CABYR: variants seen among roughly 807,000 people sequenced by gnomAD.
CABYR encodes calcium-binding tyrosine phosphorylation-regulated protein.
CABYR carries 31 observed loss-of-function variants against 36.1 expected under a neutral mutation model. That is an observed-to-expected ratio of 0.86 (90% CI 0.64 to 1.16). The LOEUF (loss-of-function observed/expected upper bound fraction) is 1.16, where lower values mean the gene tolerates loss of function less well. Among genes scored for constraint, CABYR ranks in the 50% most tolerant of loss-of-function variants. The pLI is 0.00. For missense variants in CABYR, 429 were observed against 455.8 expected (o/e 0.94, Z 0.53); for synonymous variants, 146 against 160.7 (o/e 0.91, Z 0.69).
chr18:24,149,202 A>C (rs4800551), intron 3 of CABYR, among the ~76,000 whole-genome samples: 1 of 151,244 alleles, frequency 6.6e-6, no homozygotes, highest in Non-Finnish European at 1.5e-5. Context: ...AGCTAGACAC[A>C]GGGTGCTGAT....
chr18:24,158,521 T>C (rs1005788162), intron 4 of CABYR, among the ~76,000 whole-genome samples: 1 of 152,148 alleles, frequency 6.6e-6, no homozygotes, highest in South Asian at 2.1e-4. Context: ...TTTCTCCATG[T>C]TGGTCAGGCT....
At chr18:24,140,533 C>G (rs1276182539) in intron 1 of CABYR, among the ~76,000 whole-genome samples, 1 of 152,138 alleles carries the variant, frequency 6.6e-6, no homozygotes, top group African/African-American at 2.4e-5. Flanking sequence ...TCTATCCCCT[C>G]AAACATTTAT....
intron 5 of CABYR, 50 bp from the exon 6 acceptor site, chr18:24,161,466 G>T: frequency 1.3e-6 from 1 of 776,964 alleles, no homozygotes; most frequent in South Asian, 1.4e-5. Context: ...TCACATGTTC[G>T]GTTTCATGTT....
chr18:24,151,557 C>T (rs2085634634), intron 3 of CABYR, among the ~76,000 whole-genome samples: 2 of 152,114 alleles, frequency 1.3e-5, no homozygotes, highest in African/African-American at 4.8e-5. Context: ...TTTTACCCTT[C>T]TTAATAAACA....
intron 4 of CABYR, 42 bp from the exon 5 acceptor site, chr18:24,159,430 C>T (rs781155338): frequency 7.7e-6 from 11 of 1,425,328 alleles, no homozygotes; most frequent in East Asian, 2.3e-5. Context: ...GTGCCTGATA[C>T]AGAGACCAAA....
At chr18:24,160,555 G>A (rs1417922593) in intron 5 of CABYR, among the ~76,000 whole-genome samples, 2 of 152,150 alleles carry the variant, frequency 1.3e-5, no homozygotes, top group Admixed American at 6.5e-5. Flanking sequence ...CTAAACAACA[G>A]CTGAGATTAA....
In CABYR at chr18:24,161,579, C is replaced by CT; in HGVS notation, c.*63_*64insT. ...GGAGTCTGCCACCAGTGTAATGTAT[C>CT]AATAAACTTCATGCAAGCATACAAT... On this transcript the variant is annotated 3_prime_UTR_variant, in exon 6 of 6. Transcript: ENST00000399496. 2.6e-6 allele frequency: 2 copies of CT among 775,410 alleles called. No homozygotes were observed. The highest frequency in any genetic ancestry group is 2.3e-4 in the Middle Eastern group (1 of 4,346). 48.0% of individuals were successfully genotyped at this position (775,410 alleles called of 1,614,324 possible).
At chr18:24,143,727 G>A (rs1203301792) in intron 3 of CABYR, among the ~76,000 whole-genome samples, 1 of 151,912 alleles carries the variant, frequency 6.6e-6, no homozygotes, top group African/African-American at 2.4e-5. Flanking sequence ...ATAGTGATGG[G>A]GTCTTGCCTC....
intron 1 of CABYR, chr18:24,139,682 A>AGT (rs1227248367): frequency 6.6e-6 from 1 of 152,264 alleles, no homozygotes; most frequent in Non-Finnish European, 1.5e-5. Flanking sequence ...TAACCCTAAT[A>AGT]GTGTTTGTGA....
chr18:24,159,696 AGT>A lies in CABYR; in HGVS notation c.768_769del (p.Ala257ProfsTer46). 2 of 1,614,112 alleles carry A rather than the reference AGT, an allele frequency of 1.2e-6. No individual in the cohort carries two copies. Among genetic ancestry groups the A allele is most frequent in the Non-Finnish European group, 1.7e-6 (2 of 1,180,006 alleles). ...TYVMGDTKKT[S>X]APPFILVGSN... ...TGTGATGGGCGACACCAAGAAGACC[AGT>A]GCCCCACCTTTTATCTTAGTAGGCT... On this transcript the variant is annotated frameshift_variant, in exon 5 of 6. Transcript: ENST00000399496. LOFTEE classifies it high-confidence loss of function.
Position 24,156,247 on chromosome 18 carries a change from C to T in CABYR, c.541+205C>T, listed in dbSNP as rs551577808. On this transcript the variant is annotated intron_variant, in intron 4 of 5. Transcript: ENST00000399496. ...GTCCATGTAGATTTGGGTTCTCAAC[C>T]TAAAGAAAATGAGGCTGAACCATCA... 1.5e-5 allele frequency: 24 copies of T among 1,614,056 alleles called. No individual in the cohort carries two copies. In the East Asian group the frequency reaches 4.9e-4, roughly 33 times the overall value.
At chr18:24,161,388 T>C (rs1036810737) in intron 5 of CABYR, 128 bp from the exon 6 acceptor site, 8 of 617,288 alleles carry the variant, frequency 1.3e-5, no homozygotes, top group Non-Finnish European at 2.4e-5. Flanking sequence ...CAAAAGCCCA[T>C]AGGTAACTAG....
At chr18:24,146,329 C>G (rs1005188806) in intron 3 of CABYR, among the ~76,000 whole-genome samples, 2 of 152,062 alleles carry the variant, frequency 1.3e-5, no homozygotes, top group African/African-American at 4.8e-5. Flanking sequence ...AACTAAAAAA[C>G]GAGCCAACAG....
chr18:24,157,347 TGTTG>T lies in CABYR; in HGVS notation c.541+1309_541+1312del, dbSNP rs1373262533. 2.0e-5 allele frequency among the ~76,000 whole-genome samples: 3 copies of T among 152,280 alleles called. No homozygotes were observed. The East Asian group carries it at 5.8e-4, about 29-fold the overall frequency. ...TGATTGCAAAACTGTAATTAGAGGG[TGTTG>T]GTTTGAAATTTTCCTCTTGTGAATC... On this transcript the variant is annotated intron_variant, in intron 4 of 5. Transcript: ENST00000399496.
intron 1 of CABYR, chr18:24,139,365 C>G (rs2145844951): frequency 6.6e-6 from 1 of 152,380 alleles, no homozygotes; most frequent in African/African-American, 2.4e-5. Flanking sequence ...TGTGAGCACG[C>G]CCAGCCTCCT....
At chr18:24,150,659 A>C (rs2085597822) in intron 3 of CABYR, 1 of 656,126 alleles carries the variant, frequency 1.5e-6, no homozygotes, top group African/African-American at 2.0e-5. Context: ...AGTTCAATAC[A>C]GACTAGTTGG....
At chr18:24,151,589 T>A (rs370964943) in intron 3 of CABYR, among the ~76,000 whole-genome samples, 1 of 152,290 alleles carries the variant, frequency 6.6e-6, no homozygotes, top group African/African-American at 2.4e-5. Context: ...GAACTCAATA[T>A]AGATTTACAT....
chr18:24,147,433 G>T (rs927518575), intron 3 of CABYR, among the ~76,000 whole-genome samples: 2 of 152,068 alleles, frequency 1.3e-5, no homozygotes, highest in Non-Finnish European at 2.9e-5. Flanking sequence ...CCAATGTTAC[G>T]ATTTCTATTT....
Position 24,149,504 on chromosome 18 carries a change from A to G in CABYR, c.199+6091A>G, listed in dbSNP as rs201596574. Among the ~76,000 whole-genome samples, 13 of 152,342 alleles carry G rather than the reference A, an allele frequency of 8.5e-5. No homozygotes were observed. In the East Asian group the frequency reaches 2.5e-3, roughly 29 times the overall value. ...GCTGGCTTCACCCAGTGGATCCTGC[A>G]CTGGGGACTGCAGGTGGAGCTGCCT... On this transcript the variant is annotated intron_variant, in intron 3 of 5. Coordinates refer to ENST00000399496, the MANE Select transcript of CABYR (RefSeq NM_153769.3).
Sources: allele counts gnomAD v4.1 joint callset (sites outside exome capture counted in the v4.1 genomes callset), GRCh38; gene constraint gnomAD v4.1.1; transcripts MANE v1.5; gene names NCBI Gene and HGNC (gene_info 2026-07-23, HGNC 2026-07-21).